Variants in STK33 observed in about 807,000 individuals in gnomAD.
The protein encoded by STK33 is serine/threonine-protein kinase 33.
STK33 carries 52 observed loss-of-function variants against 58.0 expected under a neutral mutation model. That is an observed-to-expected ratio of 0.90 (90% CI 0.72 to 1.13). STK33 has a LOEUF of 1.13. STK33 is among the 50% of genes most tolerant of loss of function. STK33 has a pLI of 0.00. For synonymous variants in STK33, 215 were observed against 200.1 expected, an observed-to-expected ratio of 1.07 and a Z score of -0.63; for missense variants, 630 against 604.2, an observed-to-expected ratio of 1.04 and a Z score of -0.45.
chr11:8,431,087 A>G (rs1943373196), intron 14 of STK33, among the ~76,000 whole-genome samples: 1 of 152,006 alleles, frequency 6.6e-6, no homozygotes, highest in Non-Finnish European at 1.5e-5. Flanking sequence ...GGCTGATCGC[A>G]AACTCCTGAC....
chr11:8,576,319 C>A (rs11041994), intron 1 of STK33, among the ~76,000 whole-genome samples: 73,082 of 151,968 alleles, frequency 0.48, 17,650 homozygotes, highest in South Asian at 0.64. Context: ...ATTCAAAACA[C>A]GAATTACAAC....
intron 1 of STK33, among the ~76,000 whole-genome samples, chr11:8,518,883 G>C (rs567968089): frequency 6.6e-6 from 1 of 152,060 alleles, no homozygotes; most frequent in Admixed American, 6.6e-5. Context: ...CTCCCACACA[G>C]TAATAATGGG....
chr11:8,381,554 T>A, the STK33 span, among the ~76,000 whole-genome samples: 1 of 152,018 alleles, frequency 6.6e-6, no homozygotes, highest in African/African-American at 2.4e-5. Flanking sequence ...ACAGTGAACA[T>A]CCTGAATGCA....
chr11:8,357,414 A>C, the STK33 span, among the ~76,000 whole-genome samples: 11 of 152,258 alleles, frequency 7.2e-5, no homozygotes. Context: ...GCGGGCCTCC[A>C]GGAGGAAAGG....
intron 15 of STK33, among the ~76,000 whole-genome samples, chr11:8,409,063 C>A (rs550001263): frequency 2.6e-4 from 40 of 152,298 alleles, no homozygotes; most frequent in African/African-American, 8.9e-4. Context: ...TAGCTAAGTT[C>A]CCAGAAATGA....
At position 8,523,786 on chromosome 11, in the gene STK33, C is replaced by T. The variant is rs938173533; in HGVS notation, c.-465-43172G>A. Among the ~76,000 whole-genome samples, 12 of 151,486 alleles carry T rather than the reference C, an allele frequency of 7.9e-5. No individual in the cohort carries two copies. The South Asian group carries it at 1.5e-3, about 19-fold the overall frequency. On this transcript the variant is annotated intron_variant, in intron 1 of 15. Transcript: ENST00000687296. ...CGCCGCGTCTGGGAAGTGAGGAGCCCCTCTGCCCGGCCGCCACCCTGTCTG... is the reference window on the plus strand; with the variant it reads ...CGCCGCGTCTGGGAAGTGAGGAGCCTCTCTGCCCGGCCGCCACCCTGTCTG...
the STK33 span, among the ~76,000 whole-genome samples, chr11:8,370,092 G>A: frequency 7.9e-5 from 12 of 152,232 alleles, no homozygotes; most frequent in Non-Finnish European, 1.6e-4. Flanking sequence ...GGGGCCACCT[G>A]CCCTCCCAAG....
intron 1 of STK33, among the ~76,000 whole-genome samples, chr11:8,589,873 T>C (rs1427396022): frequency 2.6e-5 from 4 of 152,232 alleles, no homozygotes. Context: ...GAAAAATTAA[T>C]TGGATTTCCA....
At position 8,542,738 on chromosome 11, in the gene STK33, T is replaced by G. The variant is rs76990731; in HGVS notation, c.-466+51345A>C. Among the ~76,000 whole-genome samples the G allele has an allele frequency of 2.0e-5, 3 of 151,842 alleles. No homozygotes were observed. In the South Asian group the frequency reaches 6.2e-4, roughly 32 times the overall value. On this transcript the variant is annotated intron_variant, in intron 1 of 15. Coordinates refer to ENST00000687296, the MANE Select transcript of STK33 (RefSeq NM_001352389.2). ...AAAGATTTAGTTTGCACTTTTTTTT[T>G]AAGACACTCTGTCACCCAGGCTGGA...
At chr11:8,478,955 T>C (rs1044064642) in intron 2 of STK33, among the ~76,000 whole-genome samples, 2 of 152,214 alleles carry the variant, frequency 1.3e-5, no homozygotes, top group Non-Finnish European at 2.9e-5. Flanking sequence ...TATAAAAGGA[T>C]TTACAGTATA....
At chr11:8,382,171 G>A in the STK33 span, among the ~76,000 whole-genome samples, 11 of 152,264 alleles carry the variant, frequency 7.2e-5, no homozygotes, top group South Asian at 6.2e-4. Context: ...GAGGAACATC[G>A]GAGGACCGCA....
intron 1 of STK33, among the ~76,000 whole-genome samples, chr11:8,576,957 C>T (rs1354656466): frequency 1.3e-5 from 2 of 152,172 alleles, no homozygotes; most frequent in African/African-American, 4.8e-5. Context: ...ATTTAATGTT[C>T]CATACAATAA....
At chr11:8,368,923 T>C in the STK33 span, among the ~76,000 whole-genome samples, 2 of 152,188 alleles carry the variant, frequency 1.3e-5, no homozygotes. Context: ...AAACGAGCAG[T>C]GTGCTGAGGC....
At chr11:8,539,245 C>T (rs1955304173) in intron 1 of STK33, among the ~76,000 whole-genome samples, 1 of 152,170 alleles carries the variant, frequency 6.6e-6, no homozygotes, top group Non-Finnish European at 1.5e-5. Flanking sequence ...TTAAGATTCT[C>T]ACCTAGCCCA....
chr11:8,476,798 T>C lies in STK33; in HGVS notation c.-226-47A>G, dbSNP rs1397742249. The C allele has an allele frequency of 3.3e-5, 5 of 152,216 alleles. No individual in the cohort carries two copies. In the South Asian group the frequency reaches 6.2e-4, roughly 19 times the overall value. The allele number at this position is 152,216 out of a possible 1,614,324, so 9.4% of individuals were successfully genotyped here. On this transcript the variant is annotated intron_variant, in intron 3 of 15. Transcript: ENST00000687296. ...TTCTTATATAAATGGTTTCAGAGCA[T>C]GCAAAGCCATCCGGTTCATTTTATT...
chr11:8,421,890 G>C (rs919433347), intron 14 of STK33, among the ~76,000 whole-genome samples: 2 of 152,020 alleles, frequency 1.3e-5, no homozygotes, highest in East Asian at 1.9e-4. Flanking sequence ...ATGAGTAGAA[G>C]TGCAATTGAC....
intron 1 of STK33, among the ~76,000 whole-genome samples, chr11:8,540,163 ATGTC>A (rs562442122): frequency 1.2e-3 from 177 of 152,230 alleles, no homozygotes; most frequent in South Asian, 3.1e-3. Flanking sequence ...AAAAACCTAA[ATGTC>A]TGTCAGTGAA....
intron 1 of STK33, among the ~76,000 whole-genome samples, chr11:8,494,179 G>C (rs1049893143): frequency 2.0e-5 from 3 of 152,214 alleles, no homozygotes; most frequent in Non-Finnish European, 4.4e-5. Context: ...CAGATGACAT[G>C]ATTGTATATT....
At chr11:8,411,940 A>G (rs1403989089) in intron 15 of STK33, among the ~76,000 whole-genome samples, 1 of 152,126 alleles carries the variant, frequency 6.6e-6, no homozygotes, top group African/African-American at 2.4e-5. Context: ...CATAAGTTTC[A>G]TTAATTTGTG....
Sources: gnomAD v4.1 joint callset for allele counts (sites outside exome capture counted in the v4.1 genomes callset) on GRCh38, gnomAD v4.1.1 for gene constraint, MANE v1.5 for transcripts, NCBI Gene and HGNC (gene_info 2026-07-23, HGNC 2026-07-21) for gene names.